CD55: variants seen among roughly 807,000 people sequenced by gnomAD.
CD55 encodes CD55 molecule (Cromer blood group), also known as complement decay-accelerating factor.
In CD55, 41 loss-of-function variants were observed where a neutral mutation model predicts 45.8. The observed-to-expected ratio is 0.90, with a 90% confidence interval of 0.70 to 1.16. The LOEUF (loss-of-function observed/expected upper bound fraction) is 1.16. Ranked by LOEUF, CD55 falls within the 50% of genes most tolerant of loss-of-function variation. The probability of loss-of-function intolerance (pLI) is 0.00; values close to 1 mark genes in which losing one functional copy is unlikely to be tolerated. For synonymous variants in CD55, 181 were observed against 181.1 expected, an observed-to-expected ratio of 1.00 and a Z score of 0.01; for missense variants, 416 against 469.8, an observed-to-expected ratio of 0.89 and a Z score of 1.06.
intron 9 of CD55, chr1:207,350,071 A>C (rs1013201644): frequency 2.2e-6 from 1 of 453,402 alleles, no homozygotes; most frequent in African/African-American, 2.0e-5. Context: ...ACATGAAGGG[A>C]TGTTGAATGT....
At chr1:207,329,260 T>G (rs1249761534) in intron 5 of CD55, among the ~76,000 whole-genome samples, 1 of 152,158 alleles carries the variant, frequency 6.6e-6, no homozygotes, top group Non-Finnish European at 1.5e-5. Flanking sequence ...AGGGGAGAAA[T>G]GCATCCAGAG....
chr1:207,352,390 G>GA (rs1253345495), intron 9 of CD55, among the ~76,000 whole-genome samples: 3 of 151,958 alleles, frequency 2.0e-5, no homozygotes, highest in African/African-American at 4.8e-5. Flanking sequence ...CTTAAAAAAG[G>GA]AAAATTTTTT....
chr1:207,359,536 T>TTTTA lies in CD55; in HGVS notation c.1082-10_1082-9insTTTA, dbSNP rs56253023. On this transcript the variant is annotated splice_polypyrimidine_tract_variant and intron_variant, in intron 9 of 9. Coordinates refer to ENST00000367064, the MANE Select transcript of CD55 (RefSeq NM_000574.5). ...TTTAACTTTTTTTTTTTTTTTTTTTTAATTTTCAGGGCACACGTGTTTCAC... is the reference window on the plus strand; with the variant it reads ...TTTAACTTTTTTTTTTTTTTTTTTTTTTTAAATTTTCAGGGCACACGTGTTTCAC... 4.5e-5 allele frequency: 69 copies of TTTTA among 1,539,482 alleles called. No individual in the cohort carries two copies. Among genetic ancestry groups the TTTTA allele is most frequent in the Non-Finnish European group, 5.6e-5 (65 of 1,152,794 alleles).
At chr1:207,340,941 G>A (rs916913506) in intron 9 of CD55, among the ~76,000 whole-genome samples, 2 of 151,880 alleles carry the variant, frequency 1.3e-5, no homozygotes, top group Non-Finnish European at 2.9e-5. Flanking sequence ...TTTTCTTCAC[G>A]TCCTCACCAG....
rs1230169790 is a variant in CD55 at position 207,321,859 on chromosome 1, G to C, written c.94G>C (p.Val32Leu). The C allele has an allele frequency of 2.0e-6, 3 of 1,526,396 alleles. No homozygotes were observed. The highest frequency in any genetic ancestry group is 4.0e-5 in the Admixed American group (2 of 50,372). 94.6% of individuals were successfully genotyped at this position (1,526,396 alleles called of 1,614,324 possible). The change falls in exon 1 of 10, where the codon GTG (valine) becomes CTG (leucine). Residue 32 changes from valine to leucine, a missense_variant. This residue lies in a region of CD55 where 123 missense variants were observed against 105.1 expected (regional missense o/e 1.17). Transcript: ENST00000367064. ...GCTGGTGCTGTTGTGCCTGCCGGCC[G>C]TGTGGGGTGAGTAGGGGCCCGGCGG... ...LLLVLLCLPA[V>L]WGDCGLPPDV...
intron 9 of CD55, chr1:207,353,972 T>C: frequency 6.6e-7 from 1 of 1,525,000 alleles, no homozygotes; most frequent in Non-Finnish European, 8.8e-7. Context: ...ACTTTTTGTT[T>C]TCATAGCACA....
intron 4 of CD55, among the ~76,000 whole-genome samples, chr1:207,326,267 A>G (rs1387040038): frequency 6.6e-6 from 1 of 152,184 alleles, no homozygotes. Context: ...TCTGTAAATT[A>G]AATAATTCTA....
intron 6 of CD55, among the ~76,000 whole-genome samples, chr1:207,335,342 A>G (rs986877335): frequency 3.9e-5 from 6 of 152,172 alleles, no homozygotes; most frequent in African/African-American, 9.7e-5. Context: ...CGCATGGGCT[A>G]TTTACCAAAA....
In CD55 at chr1:207,339,423, T is replaced by C. The variant is rs1655325090; in HGVS notation, c.1081+6T>C. 1.2e-6 allele frequency: 2 copies of C among 1,606,042 alleles called. No homozygotes were observed. Among genetic ancestry groups the C allele is most frequent in the Non-Finnish European group, 1.7e-6 (2 of 1,176,018 alleles). On this transcript the variant is annotated splice_donor_region_variant and intron_variant, in intron 9 of 9. Coordinates refer to ENST00000367064, the MANE Select transcript of CD55 (RefSeq NM_000574.5). ...TACTACCCGTCTTCTATCTGGTAAG[T>C]TTGGCTCTCAGGCCATTAAAAGAAA... is the stretch of plus-strand genomic sequence containing the variant.
chr1:207,342,311 A>G (rs1365376633), intron 9 of CD55, among the ~76,000 whole-genome samples: 1 of 152,166 alleles, frequency 6.6e-6, no homozygotes, highest in Non-Finnish European at 1.5e-5. Context: ...CTTCAATGAA[A>G]TGGAAACTAG....
chr1:207,336,792 C>CAA lies in CD55; in HGVS notation c.957_958dup (p.Thr320LysfsTer49). On this transcript the variant is annotated frameshift_variant, in exon 7 of 10. Coordinates refer to ENST00000367064, the MANE Select transcript of CD55 (RefSeq NM_000574.5). LOFTEE classifies it high-confidence loss of function. ...TCACCAACTTCTCAGAAAACCACCA[C>CAA]AAAAACCACCACACCAAATGCTCAA... The CAA allele has an allele frequency of 6.2e-7, 1 of 1,613,854 alleles. No individual in the cohort carries two copies. The highest frequency in any genetic ancestry group is 8.5e-7 in the Non-Finnish European group (1 of 1,179,816).
Position 207,321,693 on chromosome 1 carries a change from C to A in CD55, c.-73C>A. On this transcript the variant is annotated 5_prime_UTR_variant, in exon 1 of 10. Coordinates refer to ENST00000367064, the MANE Select transcript of CD55 (RefSeq NM_000574.5). ...CACGAGGCTTCTGCTTACTGCAACT[C>A]GCTCCGGCCGCTGGGCGTAGCTGCG... The A allele has an allele frequency of 8.6e-7, 1 of 1,156,702 alleles. No individual in the cohort carries two copies. The highest frequency in any genetic ancestry group is 1.2e-6 in the Non-Finnish European group (1 of 845,594). The allele number at this position is 1,156,702 out of a possible 1,614,324, so 71.7% of individuals were successfully genotyped here. A position where few individuals can be genotyped will look rare whatever the true frequency, so the allele number is the denominator to read the frequency against.
chr1:207,322,491 G>GA lies in CD55; in HGVS notation c.214dup (p.Ile72AsnfsTer12). ...CGTACAAATGTGAAGAAAGCTTTGT[G>GA]AAAATTCCTGGCGAGAAGGACTCAG... On this transcript the variant is annotated frameshift_variant, in exon 2 of 10. Transcript: ENST00000367064. LOFTEE classifies it high-confidence loss of function. 6.2e-7 allele frequency: 1 copy of GA among 1,614,238 alleles called. No homozygotes were observed. The highest frequency in any genetic ancestry group is 2.2e-5 in the East Asian group (1 of 44,890).
intron 2 of CD55, among the ~76,000 whole-genome samples, chr1:207,323,147 A>G (rs1162818976): frequency 6.6e-6 from 1 of 151,502 alleles, no homozygotes; most frequent in African/African-American, 2.4e-5. Flanking sequence ...ATATGTATAT[A>G]TATAAATTGG....
chr1:207,352,893 C>T (rs766833572), intron 9 of CD55, among the ~76,000 whole-genome samples: 2 of 151,868 alleles, frequency 1.3e-5, no homozygotes, highest in Non-Finnish European at 2.9e-5. Flanking sequence ...TGTATTATTT[C>T]ATATTCTTCT....
At chr1:207,328,465 C>CT (rs1491307592) in intron 5 of CD55, among the ~76,000 whole-genome samples, 1 of 152,196 alleles carries the variant, frequency 6.6e-6, no homozygotes, top group East Asian at 1.9e-4. Flanking sequence ...CATGAGGTTG[C>CT]TTCAGTGTCC....
Position 207,321,837 on chromosome 1 carries a change from G to T in CD55, c.72G>T (p.Leu24=). 1 of 1,529,798 alleles carries T rather than the reference G, an allele frequency of 6.5e-7. No homozygotes were observed. 94.8% of individuals were successfully genotyped at this position (1,529,798 alleles called of 1,614,324 possible). A position where few individuals can be genotyped will look rare whatever the true frequency, so the allele number is the denominator to read the frequency against. ...GGGAGCTGCCCCGGCTGCTGCTGCTGGTGCTGTTGTGCCTGCCGGCCGTGT... is the reference window on the plus strand; with the variant it reads ...GGGAGCTGCCCCGGCTGCTGCTGCTTGTGCTGTTGTGCCTGCCGGCCGTGT... ...LLGELPRLLL[L]VLLCLPAVWG... is the part of the protein sequence containing the mutation. Residue 24 remains leucine (L), a synonymous_variant, in exon 1 of 10, where the codon CTG becomes CTT. Coordinates refer to ENST00000367064, the MANE Select transcript of CD55 (RefSeq NM_000574.5).
intron 6 of CD55, among the ~76,000 whole-genome samples, chr1:207,332,294 G>A (rs1654979658): frequency 6.6e-6 from 1 of 151,962 alleles, no homozygotes; most frequent in Admixed American, 6.6e-5. Context: ...TTTTGTTCTA[G>A]TTTGATTTTT....
chr1:207,322,150 C>T (rs1402651193), intron 1 of CD55: 1 of 672,956 alleles, frequency 1.5e-6, no homozygotes, highest in Non-Finnish European at 2.8e-6. Flanking sequence ...AAAGGGAGGG[C>T]TCAAAGAGAC....
Sources: allele counts gnomAD v4.1 joint callset (sites outside exome capture counted in the v4.1 genomes callset), GRCh38; gene constraint gnomAD v4.1.1; regional missense constraint gnomAD v4.1.1; transcripts MANE v1.5; gene names NCBI Gene and HGNC (gene_info 2026-07-23, HGNC 2026-07-21).